PDZD2: variants seen among roughly 807,000 people sequenced by gnomAD.
PDZD2 encodes the protein PDZ domain-containing protein 2.
In PDZD2, 90 loss-of-function variants were observed where a neutral mutation model predicts 220.7. That is an observed-to-expected ratio of 0.41 (90% CI 0.34 to 0.49). The LOEUF (loss-of-function observed/expected upper bound fraction) is 0.49, where lower values mean the gene tolerates loss of function less well. Ranked by LOEUF, PDZD2 falls within the 20% of genes least tolerant of loss-of-function variation. The probability of loss-of-function intolerance (pLI) is 0.28; values close to 1 mark genes in which losing one functional copy is unlikely to be tolerated. For synonymous variants in PDZD2, 1,375 were observed against 1,450.5 expected, an observed-to-expected ratio of 0.95 and a Z score of 1.18; for missense variants, 3,174 against 3,608.5, an observed-to-expected ratio of 0.88 and a Z score of 3.08.
In PDZD2 at chr5:32,037,260, G is replaced by A. The variant is rs757213912; in HGVS notation, c.1437G>A (p.Val479=). ...CTGGGACAGATGAACCCCAAGATGT[G>A]TGCGGTGCTGAGGAATCCAAGGGGA... The part of the protein sequence containing the change: ...AMPGTDEPQD[V]CGAEESKGNL... Residue 479 remains valine (V), a synonymous_variant, in exon 7 of 25, where the codon GTG becomes GTA. Transcript: ENST00000438447. 22 of 1,613,516 alleles carry A rather than the reference G, an allele frequency of 1.4e-5. No individual in the cohort carries two copies. In the Admixed American group the frequency reaches 1.7e-4, roughly 12 times the overall value.
intron 2 of PDZD2, among the ~76,000 whole-genome samples, chr5:31,956,712 T>G (rs1393952921): frequency 7.6e-6 from 1 of 131,134 alleles, no homozygotes; most frequent in Non-Finnish European, 1.5e-5. Context: ...TGAGCCAAGA[T>G]TGCGCCACTG....
Position 32,083,897 on chromosome 5 carries a change from G to A in PDZD2, c.3683-3234G>A, listed in dbSNP as rs1355330932. Among the ~76,000 whole-genome samples the A allele has an allele frequency of 3.3e-5, 5 of 152,020 alleles. No individual in the cohort carries two copies. Among genetic ancestry groups the A allele is most frequent in the South Asian group, 2.1e-4 (1 of 4,820 alleles). The stretch of plus-strand genomic sequence containing the variant: ...TCCCCATGTTGGCCAGGCTGGTTTC[G>A]AACTCCTGACCTCAAGTGATCTGCC... On this transcript the variant is annotated intron_variant, in intron 19 of 24. Coordinates refer to ENST00000438447, the MANE Select transcript of PDZD2 (RefSeq NM_178140.4). This position sits in a 1 kb window ranked among gnomAD's most constrained non-coding sequence, Gnocchi z 4.1.
At chr5:32,043,456 T>C (rs1737616878) in intron 7 of PDZD2, among the ~76,000 whole-genome samples, 1 of 152,230 alleles carries the variant, frequency 6.6e-6, no homozygotes, top group Non-Finnish European at 1.5e-5. Flanking sequence ...ATCCGTAAAA[T>C]GAGGGTTATG....
intron 9 of PDZD2, among the ~76,000 whole-genome samples, chr5:32,053,121 G>A (rs1738744756): frequency 6.6e-6 from 1 of 152,212 alleles, no homozygotes; most frequent in South Asian, 2.1e-4. Flanking sequence ...GTGTGAGATG[G>A]CCATGCCCTC....
chr5:31,930,070 G>A (rs185705690), intron 2 of PDZD2, among the ~76,000 whole-genome samples: 1 of 152,186 alleles, frequency 6.6e-6, no homozygotes, highest in Non-Finnish European at 1.5e-5. Context: ...CTTCTGCCAC[G>A]AGTGAAAGCA....
intron 2 of PDZD2, among the ~76,000 whole-genome samples, chr5:31,953,948 TA>T (rs1280418327): frequency 6.6e-6 from 1 of 151,958 alleles, no homozygotes; most frequent in African/African-American, 2.4e-5. Context: ...CGCACCTGGC[TA>T]AAAAAATTTG....
chr5:31,892,518 G>A (rs1741133138), intron 2 of PDZD2, among the ~76,000 whole-genome samples: 1 of 152,182 alleles, frequency 6.6e-6, no homozygotes, highest in South Asian at 2.1e-4. Flanking sequence ...TCTACTGTGT[G>A]CCAGGCTGTG....
At position 31,730,221 on chromosome 5, in the gene PDZD2, G is replaced by A. The variant is rs993442891; in HGVS notation, c.-360-68668G>A. 3.3e-5 allele frequency among the ~76,000 whole-genome samples: 5 copies of A among 152,208 alleles called. No individual in the cohort carries two copies. The East Asian group carries it at 7.7e-4, about 24-fold the overall frequency. ...AGTGTTTGAGGAGTAAAAACTCTTC[G>A]TGCTTCTTAAGGGGTGGAAATTCTG... On this transcript the variant is annotated intron_variant, in intron 1 of 24. Transcript: ENST00000438447.
chr5:32,076,710 CA>C (rs1741338968), intron 18 of PDZD2, among the ~76,000 whole-genome samples: 1 of 152,134 alleles, frequency 6.6e-6, no homozygotes, highest in Non-Finnish European at 1.5e-5. Context: ...CAATATGACC[CA>C]CCACCTCTGT....
At chr5:32,103,727 G>T (rs928981596) in intron 24 of PDZD2, 1 of 152,246 alleles carries the variant, frequency 6.6e-6, no homozygotes, top group Admixed American at 6.5e-5. Context: ...AGTCCAAAGG[G>T]ACACAACCCA....
At chr5:31,985,967 C>G (rs28402289) in intron 3 of PDZD2, among the ~76,000 whole-genome samples, 13,045 of 149,068 alleles carry the variant, frequency 0.088, 731 homozygotes, top group South Asian at 0.18. Context: ...CCCAGCTACT[C>G]GGGAGGCTGA....
At chr5:31,712,649 C>T (rs1457476386) in intron 1 of PDZD2, among the ~76,000 whole-genome samples, 8 of 152,188 alleles carry the variant, frequency 5.3e-5, no homozygotes, top group South Asian at 2.1e-4. Flanking sequence ...CCACATGGCA[C>T]GGTGCATTTT....
intron 2 of PDZD2, among the ~76,000 whole-genome samples, chr5:31,978,538 T>C (rs1371123666): frequency 1.3e-5 from 2 of 151,884 alleles, no homozygotes; most frequent in Admixed American, 1.3e-4. Flanking sequence ...GCTAACATGG[T>C]GAAACCCCGT....
Position 31,669,433 on chromosome 5 carries a change from TC to T in PDZD2, c.-361+29998del, listed in dbSNP as rs1480019009. Among the ~76,000 whole-genome samples the T allele has an allele frequency of 8.7e-5, 13 of 148,816 alleles. No individual in the cohort carries two copies. In the East Asian group the frequency reaches 2.4e-3, roughly 27 times the overall value. On this transcript the variant is annotated intron_variant, in intron 1 of 24. Coordinates refer to ENST00000438447, the MANE Select transcript of PDZD2 (RefSeq NM_178140.4). ...AAAAAAAAAAAAAAAATAAGATCTA[TC>T]CAGCCCCTAATGTCAATGGTAGGGA... is the stretch of plus-strand genomic sequence containing the variant.
intron 2 of PDZD2, among the ~76,000 whole-genome samples, chr5:31,876,887 T>C (rs1393635906): frequency 6.6e-6 from 1 of 152,188 alleles, no homozygotes; most frequent in Non-Finnish European, 1.5e-5. Context: ...CCTTAAAAAA[T>C]TTCAGTGTCT....
intron 2 of PDZD2, among the ~76,000 whole-genome samples, chr5:31,867,845 A>T: frequency 6.7e-6 from 1 of 150,332 alleles, no homozygotes; most frequent in Non-Finnish European, 1.5e-5. Context: ...ACTATCAGAC[A>T]AAGGTTCAGG....
In PDZD2 at chr5:32,072,172, T is replaced by G; in HGVS notation, c.2580T>G (p.Ile860Met). ...SPSLAKKDSL[I>M]SESELSQYFA... ...TTCTTCTTCAACAGGACTCCCTTAT[T>G]TCTGAATCTGAACTCTCCCAGTACT... Residue 860 changes from isoleucine (I) to methionine (M), a missense_variant, in exon 17 of 25, where the codon ATT becomes ATG. Ile to Met is a conservative substitution (Grantham distance 10). Transcript: ENST00000438447. 1 of 1,609,448 alleles carries G rather than the reference T, an allele frequency of 6.2e-7. No homozygotes were observed. Among genetic ancestry groups the G allele is most frequent in the Non-Finnish European group, 8.5e-7 (1 of 1,177,806 alleles).
At chr5:32,003,863 C>G (rs549227826) in intron 5 of PDZD2, among the ~76,000 whole-genome samples, 1 of 152,080 alleles carries the variant, frequency 6.6e-6, no homozygotes, top group Non-Finnish European at 1.5e-5. Context: ...AGGTGCCCAC[C>G]ACCACGTCTG....
chr5:32,024,600 A>G (rs1754471765), intron 6 of PDZD2, among the ~76,000 whole-genome samples: 1 of 151,300 alleles, frequency 6.6e-6, no homozygotes, highest in Non-Finnish European at 1.5e-5. Flanking sequence ...GGAGAATCGC[A>G]TGAATCCGGG....
Sources: allele counts gnomAD v4.1 joint callset (sites outside exome capture counted in the v4.1 genomes callset), GRCh38; gene constraint gnomAD v4.1.1; non-coding constraint Gnocchi (gnomAD v3.1); transcripts MANE v1.5; gene names NCBI Gene and HGNC (gene_info 2026-07-23, HGNC 2026-07-21).